Variants in NPAS3 observed in about 807,000 individuals in gnomAD.
The protein encoded by NPAS3 is neuronal PAS domain-containing protein 3.
A neutral mutation model predicts 73.1 loss-of-function variants in NPAS3; 14 were observed. The ratio of observed to expected loss-of-function variants is 0.19; its 90% CI spans 0.13 to 0.30. NPAS3 has a LOEUF of 0.30. NPAS3 is among the 10% of genes least tolerant of loss of function. The pLI is 1.00. For synonymous variants in NPAS3, 620 were observed against 541.5 expected (o/e 1.14, Z -2.01); for missense variants, 1,096 against 1,250.0 (o/e 0.88, Z 1.86).
At chr14:33,504,237 A>T (rs1472102378) in intron 4 of NPAS3, among the ~76,000 whole-genome samples, 1 of 151,970 alleles carries the variant, frequency 6.6e-6, no homozygotes, top group Non-Finnish European at 1.5e-5. Flanking sequence ...GCAGGCTACC[A>T]TCTTGAATTC....
chr14:33,760,465 C>A (rs1402307908), intron 7 of NPAS3, among the ~76,000 whole-genome samples: 2 of 152,086 alleles, frequency 1.3e-5, no homozygotes, highest in Non-Finnish European at 2.9e-5. Context: ...AAGAAGTGCA[C>A]AACATGATAC....
At chr14:33,731,438 AAAGAG>A (rs1351394643) in intron 6 of NPAS3, among the ~76,000 whole-genome samples, 7 of 144,344 alleles carry the variant, frequency 4.8e-5, no homozygotes, top group African/African-American at 1.6e-4. Flanking sequence ...AAAAAAAAAA[AAAGAG>A]AGAGAGAAAG....
At chr14:33,122,604 G>C (rs1204897557) in intron 2 of NPAS3, among the ~76,000 whole-genome samples, 1 of 152,120 alleles carries the variant, frequency 6.6e-6, no homozygotes, top group Non-Finnish European at 1.5e-5. Context: ...GATCCTTACA[G>C]TTCCCACCTT....
chr14:32,992,623 T>A (rs1460453314), intron 1 of NPAS3, among the ~76,000 whole-genome samples: 5 of 152,064 alleles, frequency 3.3e-5, no homozygotes, highest in Admixed American at 3.3e-4. Flanking sequence ...AATCAGGGAG[T>A]ATAGTGACCA....
chr14:33,351,019 T>C (rs964328266), intron 3 of NPAS3, among the ~76,000 whole-genome samples: 3 of 152,196 alleles, frequency 2.0e-5, no homozygotes, highest in African/African-American at 4.8e-5. Flanking sequence ...TCATGAACCT[T>C]ATTCCCCCTT....
intron 5 of NPAS3, among the ~76,000 whole-genome samples, chr14:33,571,936 G>A (rs984413536): frequency 6.6e-6 from 1 of 152,184 alleles, no homozygotes; most frequent in Non-Finnish European, 1.5e-5. Context: ...TCAATAACTT[G>A]AGTTCTCACA....
intron 5 of NPAS3, among the ~76,000 whole-genome samples, chr14:33,596,571 G>A (rs766378459): frequency 3.9e-5 from 6 of 152,284 alleles, no homozygotes; most frequent in Middle Eastern, 6.8e-3. Flanking sequence ...CAGGACATCG[G>A]TAAAGAGACT....
chr14:33,194,537 T>G (rs917919799), intron 2 of NPAS3, among the ~76,000 whole-genome samples: 5 of 152,212 alleles, frequency 3.3e-5, no homozygotes, highest in African/African-American at 1.2e-4. Flanking sequence ...GAGATTTCAC[T>G]TTTAACATGT....
intron 6 of NPAS3, among the ~76,000 whole-genome samples, chr14:33,703,894 G>A (rs1000935502): frequency 2.0e-5 from 3 of 152,140 alleles, no homozygotes; most frequent in Non-Finnish European, 4.4e-5. Context: ...CCAGTAGCCT[G>A]ACCCCAGAGC....
chr14:33,003,056 C>T (rs1441066459), intron 1 of NPAS3, among the ~76,000 whole-genome samples: 13 of 150,970 alleles, frequency 8.6e-5, no homozygotes, highest in Non-Finnish European at 1.6e-4. Flanking sequence ...TGATTTCATT[C>T]GTAATTTTTG....
chr14:33,457,006 C>T (rs990776526), intron 4 of NPAS3, among the ~76,000 whole-genome samples: 6 of 152,180 alleles, frequency 3.9e-5, no homozygotes, highest in South Asian at 2.1e-4. Flanking sequence ...CCCACAAAAG[C>T]GTTTTATACC....
chr14:33,785,623 T>A (rs1426528013), intron 9 of NPAS3, among the ~76,000 whole-genome samples: 2 of 152,076 alleles, frequency 1.3e-5, no homozygotes, highest in African/African-American at 4.8e-5. Flanking sequence ...AACATCAAAC[T>A]TTTTTTAACT....
At chr14:33,388,679 A>G (rs2046875103) in intron 4 of NPAS3, among the ~76,000 whole-genome samples, 1 of 152,176 alleles carries the variant, frequency 6.6e-6, no homozygotes, top group Non-Finnish European at 1.5e-5. Flanking sequence ...CAAAAGCAAA[A>G]TGTATTATAT....
At chr14:33,351,212 T>G (rs2045032019) in intron 3 of NPAS3, among the ~76,000 whole-genome samples, 3 of 152,210 alleles carry the variant, frequency 2.0e-5, no homozygotes, top group Admixed American at 6.5e-5. Flanking sequence ...CAGTCAGCAG[T>G]CTGTTGTGCC....
chr14:33,258,845 G>C (rs138134618), intron 3 of NPAS3, among the ~76,000 whole-genome samples: 3 of 152,006 alleles, frequency 2.0e-5, no homozygotes, highest in South Asian at 2.1e-4. Context: ...ATGGAGTCTC[G>C]CTCTGTCACC....
At chr14:33,677,712 C>T (rs2059809151) in intron 6 of NPAS3, among the ~76,000 whole-genome samples, 1 of 152,046 alleles carries the variant, frequency 6.6e-6, no homozygotes, top group African/African-American at 2.4e-5. Flanking sequence ...CTAGGGCATT[C>T]ATTATTCTTA....
Position 33,751,254 on chromosome 14 carries a change from T to C in NPAS3, c.852+15922T>C, listed in dbSNP as rs377563727. 2.0e-4 allele frequency among the ~76,000 whole-genome samples: 30 copies of C among 152,336 alleles called. No homozygotes were observed. The South Asian group carries it at 6.2e-3, about 32-fold the overall frequency. ...TTTTCTAACAAGAAGAACTTGAAGG[T>C]TGCTCTCAGCCTATTAGGTAAGGGA... On this transcript the variant is annotated intron_variant, in intron 7 of 11. Coordinates refer to ENST00000356141, the Ensembl canonical transcript of NPAS3.
chr14:33,166,996 A>C (rs749884976), intron 2 of NPAS3, among the ~76,000 whole-genome samples: 8 of 152,130 alleles, frequency 5.3e-5, no homozygotes, highest in Non-Finnish European at 1.0e-4. Flanking sequence ...TAAGTAAGAC[A>C]TTCTCATGGT....
chr14:33,526,417 A>G (rs2053804319), intron 4 of NPAS3, among the ~76,000 whole-genome samples: 1 of 151,094 alleles, frequency 6.6e-6, no homozygotes, highest in African/African-American at 2.4e-5. Context: ...CAAATTTTTG[A>G]ATGTTGTTGA....
Sources: gnomAD v4.1 joint callset for allele counts (sites outside exome capture counted in the v4.1 genomes callset) on GRCh38, gnomAD v4.1.1 for gene constraint, MANE v1.5 for transcripts, NCBI Gene and HGNC (gene_info 2026-07-23, HGNC 2026-07-21) for gene names.